Variants in ZNF892 observed in about 807,000 individuals in gnomAD.
The protein encoded by ZNF892 is zinc finger protein 570-like.
At chr2:95,206,597 G>C in the ZNF892 span, among the ~76,000 whole-genome samples, 3 of 152,238 alleles carry the variant, frequency 2.0e-5, no homozygotes, top group East Asian at 5.8e-4. Flanking sequence ...CAGGTGCAAG[G>C]CTTTAAATCT....
the ZNF892 span, among the ~76,000 whole-genome samples, chr2:95,230,133 T>C: frequency 6.6e-6 from 1 of 152,042 alleles, no homozygotes; most frequent in African/African-American, 2.4e-5. Context: ...AAACCAAACA[T>C]TGTATGTTCT....
At chr2:95,262,647 A>G in the ZNF892 span, among the ~76,000 whole-genome samples, 1 of 152,178 alleles carries the variant, frequency 6.6e-6, no homozygotes, top group Non-Finnish European at 1.5e-5. Context: ...CTGCCTTAGG[A>G]TGATAGAGTA....
the ZNF892 span, among the ~76,000 whole-genome samples, chr2:95,249,973 T>C: frequency 6.6e-6 from 1 of 152,176 alleles, no homozygotes; most frequent in Admixed American, 6.5e-5. Flanking sequence ...AAAAAGTCCA[T>C]TTATAAACTT....
At chr2:95,215,710 A>T in the ZNF892 span, 1 of 397,550 alleles carries the variant, frequency 2.5e-6, no homozygotes, top group East Asian at 3.6e-5. Flanking sequence ...AAAGTTATTG[A>T]CAAGTCATTG....
chr2:95,217,273 C>T, the ZNF892 span, among the ~76,000 whole-genome samples: 1,161 of 152,284 alleles, frequency 7.6e-3, 15 homozygotes, highest in African/African-American at 0.027. Flanking sequence ...AACCCTGTCT[C>T]CACATGAATT....
the ZNF892 span, among the ~76,000 whole-genome samples, chr2:95,255,108 T>TG: frequency 1.3e-5 from 2 of 152,220 alleles, no homozygotes; most frequent in African/African-American, 2.4e-5. Flanking sequence ...AGTTATTTCT[T>TG]GCCTTCTGCT....
the ZNF892 span, among the ~76,000 whole-genome samples, chr2:95,213,440 A>G: frequency 3.3e-5 from 5 of 152,194 alleles, no homozygotes; most frequent in Non-Finnish European, 7.3e-5. Context: ...GTATTTAAAC[A>G]TTTTTAGCAA....
At chr2:95,247,841 A>G in the ZNF892 span, among the ~76,000 whole-genome samples, 4 of 152,072 alleles carry the variant, frequency 2.6e-5, no homozygotes, top group Non-Finnish European at 4.4e-5. Flanking sequence ...AAAAAATAAC[A>G]TGCTGGGAAG....
the ZNF892 span, among the ~76,000 whole-genome samples, chr2:95,222,499 A>C: frequency 6.6e-6 from 1 of 152,046 alleles, no homozygotes; most frequent in African/African-American, 2.4e-5. Flanking sequence ...AGGTATTCTC[A>C]TTGTTTTTAT....
the ZNF892 span, among the ~76,000 whole-genome samples, chr2:95,210,606 C>T: frequency 6.6e-6 from 1 of 152,172 alleles, no homozygotes; most frequent in African/African-American, 2.4e-5. Context: ...CCCATGCACA[C>T]GTTTATAGAA....
At chr2:95,214,998 C>A in the ZNF892 span, 1 of 502,164 alleles carries the variant, frequency 2.0e-6, no homozygotes. Flanking sequence ...ATACCTCACT[C>A]AACATCAGCG....
the ZNF892 span, among the ~76,000 whole-genome samples, chr2:95,229,578 C>G: frequency 3.9e-5 from 6 of 152,178 alleles, no homozygotes; most frequent in South Asian, 2.1e-4. Context: ...TCCTTTGTAT[C>G]TGGCTTCCTT....
the ZNF892 span, among the ~76,000 whole-genome samples, chr2:95,231,489 A>C: frequency 3.3e-5 from 5 of 152,304 alleles, no homozygotes; most frequent in African/African-American, 1.2e-4. Context: ...TGTTTGTCAA[A>C]ATTGTACAGT....
chr2:95,206,871 A>C, the ZNF892 span, among the ~76,000 whole-genome samples: 1 of 152,178 alleles, frequency 6.6e-6, no homozygotes, highest in Non-Finnish European at 1.5e-5. Context: ...TCTTATTTAC[A>C]TGAGAAGCAA....
chr2:95,244,015 T>G, the ZNF892 span, among the ~76,000 whole-genome samples: 3 of 151,522 alleles, frequency 2.0e-5, no homozygotes, highest in Non-Finnish European at 3.0e-5. Flanking sequence ...TCTTCTGCCT[T>G]GGGATCCTGT....
At chr2:95,219,143 C>T in the ZNF892 span, among the ~76,000 whole-genome samples, 7 of 151,846 alleles carry the variant, frequency 4.6e-5, no homozygotes, top group Non-Finnish European at 8.8e-5. Context: ...GGCCTACAGG[C>T]GCCTGCTACC....
the ZNF892 span, among the ~76,000 whole-genome samples, chr2:95,228,211 C>T: frequency 1.3e-5 from 2 of 152,198 alleles, no homozygotes; most frequent in Non-Finnish European, 2.9e-5. Flanking sequence ...TCTATTTCCT[C>T]ATGATTAGAT....
the ZNF892 span, chr2:95,215,491 C>A: frequency 2.3e-6 from 1 of 428,388 alleles, no homozygotes; most frequent in South Asian, 9.7e-5. Context: ...AGCCAGAGTT[C>A]ATCCCTCTCT....
chr2:95,215,537 G>T, the ZNF892 span: 22 of 409,818 alleles, frequency 5.4e-5, no homozygotes, highest in Non-Finnish European at 8.6e-5. Context: ...TGAAAACCAA[G>T]AAATATGTCC....
Sources: allele counts gnomAD v4.1 joint callset (sites outside exome capture counted in the v4.1 genomes callset), GRCh38; gene constraint gnomAD v4.1.1; transcripts MANE v1.5; gene names NCBI Gene and HGNC (gene_info 2026-07-23, HGNC 2026-07-21).